The following KLF12 variants were observed in gnomAD, a reference collection of about 807,000 sequenced individuals.
KLF12 encodes Krueppel-like factor 12.
In KLF12, 9 loss-of-function variants were observed where a neutral mutation model predicts 37.8. That is an observed-to-expected ratio of 0.24 (90% CI 0.14 to 0.42). KLF12 has a LOEUF of 0.42. Among genes scored for constraint, KLF12 ranks in the 10% least tolerant of loss-of-function variants. The pLI, the probability that KLF12 is intolerant of heterozygous loss-of-function variation, is 1.00. For missense variants in KLF12, 411 were observed against 516.0 expected (o/e 0.80, Z 1.97); for synonymous variants, 208 against 202.1 (o/e 1.03, Z -0.25).
intron 7 of KLF12, among the ~76,000 whole-genome samples, chr13:73,714,703 C>T (rs970541719): frequency 1.8e-4 from 28 of 152,210 alleles, no homozygotes; most frequent in Non-Finnish European, 3.5e-4. Context: ...AGCTGAGGGA[C>T]ACAGAAGGCA....
intron 1 of KLF12, among the ~76,000 whole-genome samples, chr13:74,013,763 G>T (rs1215398140): frequency 6.6e-6 from 1 of 151,978 alleles, no homozygotes; most frequent in African/African-American, 2.4e-5. Flanking sequence ...AAAACGAACA[G>T]TATATTATGA....
intron 3 of KLF12, among the ~76,000 whole-genome samples, chr13:73,919,161 T>C (rs915989906): frequency 6.6e-6 from 1 of 152,214 alleles, no homozygotes; most frequent in African/African-American, 2.4e-5. Context: ...TTAGGAAATC[T>C]TGAAGTTCAC....
At chr13:74,034,236 G>C (rs182691991) in intron 1 of KLF12, among the ~76,000 whole-genome samples, 1,613 of 146,478 alleles carry the variant, frequency 0.011, 23 homozygotes, top group African/African-American at 0.035. Flanking sequence ...CGAATTTTTT[G>C]TATTTTTTTT....
intron 3 of KLF12, among the ~76,000 whole-genome samples, chr13:73,894,168 A>G (rs1205940201): frequency 6.6e-6 from 1 of 152,216 alleles, no homozygotes; most frequent in Non-Finnish European, 1.5e-5. Context: ...AGCAGACGGG[A>G]CATAGTTTGC....
chr13:74,098,653 A>C (rs1444020565), intron 1 of KLF12, among the ~76,000 whole-genome samples: 2 of 152,244 alleles, frequency 1.3e-5, no homozygotes, highest in Non-Finnish European at 2.9e-5. Context: ...TGGGTTTTCC[A>C]ACAAAGCAGG....
the KLF12 span, among the ~76,000 whole-genome samples, chr13:74,143,165 C>T: frequency 6.6e-6 from 1 of 151,438 alleles, no homozygotes; most frequent in South Asian, 2.1e-4. Flanking sequence ...TCCTCTTCTT[C>T]TTCTTTCTTC....
chr13:73,957,501 C>T (rs976718468), intron 2 of KLF12, among the ~76,000 whole-genome samples: 8 of 152,124 alleles, frequency 5.3e-5, no homozygotes, highest in South Asian at 2.1e-4. Flanking sequence ...CTAAATTAGC[C>T]TCAGAAGTCT....
intron 2 of KLF12, among the ~76,000 whole-genome samples, chr13:73,956,117 A>C (rs1890823046): frequency 6.6e-6 from 1 of 152,230 alleles, no homozygotes; most frequent in African/African-American, 2.4e-5. Flanking sequence ...AGAAATTTGG[A>C]ATACATTTTT....
intron 6 of KLF12, among the ~76,000 whole-genome samples, chr13:73,740,242 T>C (rs1877874574): frequency 6.6e-6 from 1 of 152,222 alleles, no homozygotes; most frequent in Non-Finnish European, 1.5e-5. Context: ...GCTGCCTTGC[T>C]CCTTCTACCA....
In KLF12 at chr13:73,904,469, C is replaced by CTTTTTTTTTTT. The variant is rs11342071; in HGVS notation, c.123+39501_123+39511dup. Among the ~76,000 whole-genome samples, 32 of 91,976 alleles carry CTTTTTTTTTTT rather than the reference C, an allele frequency of 3.5e-4. 1 individual carries two copies. The highest frequency in any genetic ancestry group is 5.9e-4 in the African/African-American group (13 of 22,164). The allele number at this position is 91,976 out of a possible 152,430, so 60.3% of individuals were successfully genotyped here. Reference sequence around the variant, plus strand: ...CAGTTTCTCATGTTTTCTTTCTTTCCTTTTTTTTTTTTTTTTTTTTTTTAC... The same window carrying CTTTTTTTTTTT: ...CAGTTTCTCATGTTTTCTTTCTTTCCTTTTTTTTTTTTTTTTTTTTTTTTTTTTTTTTTTAC... On this transcript the variant is annotated intron_variant, in intron 3 of 7. Coordinates refer to ENST00000377669, the MANE Select transcript of KLF12 (RefSeq NM_007249.5).
At chr13:73,832,144 T>C (rs976740751) in intron 4 of KLF12, among the ~76,000 whole-genome samples, 1 of 152,314 alleles carries the variant, frequency 6.6e-6, no homozygotes, top group Middle Eastern at 3.4e-3. Flanking sequence ...ATATGCAGTG[T>C]CTGTGTGGGA....
At chr13:73,824,000 G>A (rs537713061) in intron 4 of KLF12, among the ~76,000 whole-genome samples, 2 of 152,040 alleles carry the variant, frequency 1.3e-5, no homozygotes, top group South Asian at 2.1e-4. Flanking sequence ...ATGAGCCACC[G>A]CACTTGGCCT....
intron 6 of KLF12, among the ~76,000 whole-genome samples, chr13:73,742,246 G>A (rs765111444): frequency 1.3e-5 from 2 of 152,194 alleles, no homozygotes; most frequent in Non-Finnish European, 2.9e-5. Flanking sequence ...AAGGTGTCCT[G>A]TAGAACATAC....
chr13:74,027,478 T>C (rs1202155468), intron 1 of KLF12, among the ~76,000 whole-genome samples: 1 of 152,138 alleles, frequency 6.6e-6, no homozygotes, highest in African/African-American at 2.4e-5. Flanking sequence ...TAGGGTCTGT[T>C]CTATAAATGA....
At chr13:73,757,781 A>T (rs1420901741) in intron 6 of KLF12, among the ~76,000 whole-genome samples, 3 of 152,206 alleles carry the variant, frequency 2.0e-5, no homozygotes, top group Non-Finnish European at 2.9e-5. Flanking sequence ...GAAGACAGCC[A>T]TGGATTATAA....
the KLF12 span, among the ~76,000 whole-genome samples, chr13:74,273,546 T>C: frequency 6.6e-6 from 1 of 152,096 alleles, no homozygotes; most frequent in African/African-American, 2.4e-5. Flanking sequence ...AATTCTGTTA[T>C]ACTCTAATAG....
chr13:74,052,765 C>T (rs1389091451), intron 1 of KLF12, among the ~76,000 whole-genome samples: 1 of 152,158 alleles, frequency 6.6e-6, no homozygotes, highest in Non-Finnish European at 1.5e-5. Context: ...GGTGTCTGTC[C>T]TTCCCTCCCA....
At chr13:73,833,753 G>A (rs933989172) in intron 4 of KLF12, among the ~76,000 whole-genome samples, 8 of 152,164 alleles carry the variant, frequency 5.3e-5, no homozygotes, top group African/African-American at 1.7e-4. Context: ...CAACATGGCT[G>A]GGACGTGAGA....
At chr13:74,092,634 C>CA (rs1411949555) in intron 1 of KLF12, among the ~76,000 whole-genome samples, 1 of 147,704 alleles carries the variant, frequency 6.8e-6, no homozygotes, top group Non-Finnish European at 1.5e-5. Context: ...AACAAAAAAA[C>CA]AAAAAACAAA....
Sources: allele counts gnomAD v4.1 joint callset (sites outside exome capture counted in the v4.1 genomes callset), GRCh38; gene constraint gnomAD v4.1.1; transcripts MANE v1.5; gene names NCBI Gene and HGNC (gene_info 2026-07-23, HGNC 2026-07-21).